ELOC: variants seen among roughly 807,000 people sequenced by gnomAD.
ELOC encodes the protein elongin C.
For synonymous variants in ELOC, 40 were observed against 51.3 expected (o/e 0.78, Z 0.94); for missense variants, 38 against 139.0 (o/e 0.27, Z 3.65).
At chr8:73,967,487 G>A (rs1429694133) in intron 1 of ELOC, among the ~76,000 whole-genome samples, 1 of 137,466 alleles carries the variant, frequency 7.3e-6, no homozygotes, top group Non-Finnish European at 1.6e-5. Flanking sequence ...TTTTTTTTGA[G>A]ACAGAGTTTC....
intron 1 of ELOC, among the ~76,000 whole-genome samples, chr8:73,969,153 T>A (rs1356788962): frequency 1.3e-5 from 2 of 152,194 alleles, no homozygotes; most frequent in Non-Finnish European, 2.9e-5. Context: ...TATTCTCAGG[T>A]GTCTACTAGT....
At chr8:73,971,221 C>T in intron 1 of ELOC, among the ~76,000 whole-genome samples, 1 of 152,124 alleles carries the variant, frequency 6.6e-6, no homozygotes, top group Admixed American at 6.5e-5. Flanking sequence ...GCCTGGCCAA[C>T]ATGTCGAAAC....
At chr8:73,959,100 AC>A (rs1479545464) in intron 2 of ELOC, among the ~76,000 whole-genome samples, 1 of 152,220 alleles carries the variant, frequency 6.6e-6, no homozygotes, top group Non-Finnish European at 1.5e-5. Flanking sequence ...TAGGGCACTC[AC>A]GATGAATGGA....
At chr8:73,964,855 C>A (rs1335498394) in intron 1 of ELOC, among the ~76,000 whole-genome samples, 1 of 151,826 alleles carries the variant, frequency 6.6e-6, no homozygotes. Flanking sequence ...GGTGAAACCC[C>A]GTTTCTATAA....
intron 1 of ELOC, among the ~76,000 whole-genome samples, chr8:73,960,280 CTATGGGTCCTGTTGTA>C (rs1195936949): frequency 6.6e-6 from 1 of 152,132 alleles, no homozygotes; most frequent in Admixed American, 6.6e-5. Flanking sequence ...CCAAACAAAA[CTATGGGTCCTGTTGTA>C]TAATAAAGAA....
intron 1 of ELOC, among the ~76,000 whole-genome samples, chr8:73,971,203 C>T (rs945970164): frequency 1.3e-5 from 2 of 151,976 alleles, no homozygotes; most frequent in Admixed American, 6.6e-5. Flanking sequence ...GTCAGGAGTT[C>T]CAGACCAGCC....
At chr8:73,956,913 G>T (rs539755186) in intron 2 of ELOC, among the ~76,000 whole-genome samples, 1 of 152,066 alleles carries the variant, frequency 6.6e-6, no homozygotes, top group Non-Finnish European at 1.5e-5. Context: ...AGGCCAAGGC[G>T]GGTGGATCAC....
At chr8:73,965,901 C>CA (rs953201403) in intron 1 of ELOC, among the ~76,000 whole-genome samples, 4 of 151,950 alleles carry the variant, frequency 2.6e-5, no homozygotes, top group African/African-American at 9.7e-5. Context: ...TATGAGACTA[C>CA]AAATCTACAA....
chr8:73,948,319 G>A (rs1396309110), intron 3 of ELOC, among the ~76,000 whole-genome samples: 1 of 152,076 alleles, frequency 6.6e-6, no homozygotes, highest in Non-Finnish European at 1.5e-5. Context: ...TGGCGAGCAG[G>A]ATGAAAAAGT....
chr8:73,965,962 G>A (rs1230144154), intron 1 of ELOC, among the ~76,000 whole-genome samples: 3 of 152,110 alleles, frequency 2.0e-5, no homozygotes, highest in Non-Finnish European at 2.9e-5. Context: ...CTTTTGATCT[G>A]GGTCTCGATG....
intron 2 of ELOC, among the ~76,000 whole-genome samples, chr8:73,959,091 A>AG (rs1814410980): frequency 6.6e-6 from 1 of 152,212 alleles, no homozygotes; most frequent in African/African-American, 2.4e-5. Flanking sequence ...ATACCTGTAT[A>AG]GGGCACTCAC....
At chr8:73,968,957 T>G (rs1815175562) in intron 1 of ELOC, among the ~76,000 whole-genome samples, 1 of 152,248 alleles carries the variant, frequency 6.6e-6, no homozygotes, top group Non-Finnish European at 1.5e-5. Flanking sequence ...GCTTTTCTGC[T>G]TCCATTACTG....
intron 1 of ELOC, among the ~76,000 whole-genome samples, chr8:73,966,357 A>G (rs1814968534): frequency 6.6e-6 from 1 of 152,220 alleles, no homozygotes; most frequent in Admixed American, 6.5e-5. Context: ...CAGTCTGGCC[A>G]GATGAGTGAG....
chr8:73,947,022 T>G (rs1324958134), intron 3 of ELOC, among the ~76,000 whole-genome samples: 1 of 152,142 alleles, frequency 6.6e-6, no homozygotes, highest in South Asian at 2.1e-4. Flanking sequence ...AGAGTCGCGC[T>G]CTGTCACCCA....
rs35152858 is a variant in ELOC, at chr8:73,966,488, CTTT to C, written c.-51+5586_-51+5588del. ...CTGAGATACTGACCAAGCCATGGGT[CTTT>C]TTTTTTTTTTTTGAGACAAGTTCTT... is the stretch of plus-strand genomic sequence containing the variant. On this transcript the variant is annotated intron_variant, in intron 1 of 3. Coordinates refer to ENST00000520242, the MANE Select transcript of ELOC (RefSeq NM_005648.4). Among the ~76,000 whole-genome samples the C allele has an allele frequency of 2.5e-3, 351 of 142,186 alleles. 1 individual carries two copies. The highest frequency in any genetic ancestry group is 4.3e-3 in the Non-Finnish European group (278 of 64,394). 93.3% of individuals were successfully genotyped at this position (142,186 alleles called of 152,430 possible).
At position 73,953,530 on chromosome 8, in the gene ELOC, C is replaced by T. The variant is rs969747187; in HGVS notation, c.148+2381G>A. Among the ~76,000 whole-genome samples the T allele has an allele frequency of 2.0e-5, 3 of 150,648 alleles. No individual in the cohort carries two copies. The East Asian group carries it at 5.9e-4, about 30-fold the overall frequency. On this transcript the variant is annotated intron_variant, in intron 3 of 3. Transcript: ENST00000520242. ...CGTCTCCACTAAAATACAAAATTAG[C>T]TGGGCGTGGGGGCGCATGCCTGTAA...
chr8:73,946,965 G>T, intron 3 of ELOC, 145 bp from the exon 4 acceptor site: 1 of 611,222 alleles, frequency 1.6e-6, no homozygotes. Context: ...GGTCATTAGG[G>T]TGGCAATCCA....
At chr8:73,962,579 A>C (rs574098253) in intron 1 of ELOC, among the ~76,000 whole-genome samples, 1 of 151,788 alleles carries the variant, frequency 6.6e-6, no homozygotes, top group African/African-American at 2.4e-5. Flanking sequence ...ACAAAACAAA[A>C]AAAAAAACAA....
At chr8:73,954,516 G>A (rs756161859) in intron 3 of ELOC, among the ~76,000 whole-genome samples, 5 of 151,912 alleles carry the variant, frequency 3.3e-5, no homozygotes, top group East Asian at 1.9e-4. Flanking sequence ...TTAGCCTGGC[G>A]TGTGGTGGGC....
Sources: gnomAD v4.1 joint callset for allele counts (sites outside exome capture counted in the v4.1 genomes callset) on GRCh38, gnomAD v4.1.1 for gene constraint, MANE v1.5 for transcripts, NCBI Gene and HGNC (gene_info 2026-07-23, HGNC 2026-07-21) for gene names.